The following TANGO6 variants were observed in gnomAD, a reference collection of about 807,000 sequenced individuals.
The protein encoded by TANGO6 is transport and Golgi organization protein 6 homolog.
Under a neutral mutation model 114.2 loss-of-function variants are expected in TANGO6, and 90 were observed. That is an observed-to-expected ratio of 0.79 (90% CI 0.66 to 0.94). The LOEUF (loss-of-function observed/expected upper bound fraction) is 0.94. Ranked by LOEUF, TANGO6 falls within the 40% of genes least tolerant of loss-of-function variation. The probability of loss-of-function intolerance (pLI) is 0.00; values close to 1 mark genes in which losing one functional copy is unlikely to be tolerated. For synonymous variants in TANGO6, 477 were observed against 509.8 expected (o/e 0.94, Z 0.87); for missense variants, 1,274 against 1,315.3 (o/e 0.97, Z 0.49).
intron 12 of TANGO6, among the ~76,000 whole-genome samples, chr16:68,924,151 A>G (rs1422492108): frequency 6.6e-6 from 1 of 152,124 alleles, no homozygotes; most frequent in African/African-American, 2.4e-5. Flanking sequence ...TTAAAAAGAA[A>G]ATGACTTTCC....
At chr16:68,952,273 A>T (rs1198810095) in intron 14 of TANGO6, among the ~76,000 whole-genome samples, 1 of 152,076 alleles carries the variant, frequency 6.6e-6, no homozygotes, top group Non-Finnish European at 1.5e-5. Context: ...CTTGTAAGTA[A>T]AACAGCAAGT....
At chr16:68,863,221 G>T (rs988155109) in intron 3 of TANGO6, 160 bp downstream of exon 3, 2 of 497,536 alleles carry the variant, frequency 4.0e-6, no homozygotes, top group Non-Finnish European at 7.0e-6. Context: ...AAAACTAGAT[G>T]ACGCTGACCC....
At chr16:69,009,785 C>G (rs1388259370) in intron 15 of TANGO6, among the ~76,000 whole-genome samples, 1 of 152,124 alleles carries the variant, frequency 6.6e-6, no homozygotes, top group Non-Finnish European at 1.5e-5. Flanking sequence ...TTATTCTTTT[C>G]AATGCAATTG....
chr16:69,047,946 A>C (rs906143682), intron 17 of TANGO6, among the ~76,000 whole-genome samples: 3 of 152,178 alleles, frequency 2.0e-5, no homozygotes, highest in Admixed American at 2.0e-4. Context: ...TCTATTCTCT[A>C]TCTGTTTTGT....
At chr16:69,040,188 C>A in intron 16 of TANGO6, 120 bp from the exon 17 acceptor site, 1 of 804,126 alleles carries the variant, frequency 1.2e-6, no homozygotes, top group Non-Finnish European at 2.0e-6. Context: ...AGCAACTATC[C>A]AGCCCTCTCT....
chr16:68,964,406 T>C (rs1019815426), intron 14 of TANGO6, among the ~76,000 whole-genome samples: 1 of 152,074 alleles, frequency 6.6e-6, no homozygotes, highest in African/African-American at 2.4e-5. Flanking sequence ...ATCAATATTA[T>C]TAGTTTCTTG....
chr16:68,890,365 C>T (rs948694288), intron 7 of TANGO6, among the ~76,000 whole-genome samples: 8 of 152,194 alleles, frequency 5.3e-5, no homozygotes, highest in Non-Finnish European at 8.8e-5. Context: ...ATGCCAAAAG[C>T]TTGATGCCTA....
chr16:68,864,606 C>T (rs1001713935), intron 3 of TANGO6, among the ~76,000 whole-genome samples: 1 of 151,794 alleles, frequency 6.6e-6, no homozygotes, highest in Non-Finnish European at 1.5e-5. Context: ...AGAAAAAGAG[C>T]GAGAAGCCAA....
At chr16:68,881,290 G>T (rs774291515) in intron 7 of TANGO6, among the ~76,000 whole-genome samples, 3 of 152,060 alleles carry the variant, frequency 2.0e-5, no homozygotes, top group Non-Finnish European at 2.9e-5. Context: ...GAGGAGAGTG[G>T]ATCACCTGAG....
At chr16:68,965,601 A>G (rs1268970678) in intron 14 of TANGO6, among the ~76,000 whole-genome samples, 1 of 152,026 alleles carries the variant, frequency 6.6e-6, no homozygotes. Context: ...CAGGAGTTCA[A>G]GACCAGCCTG....
intron 4 of TANGO6, among the ~76,000 whole-genome samples, chr16:68,874,698 C>G (rs1297350911): frequency 1.3e-5 from 2 of 152,174 alleles, no homozygotes; most frequent in African/African-American, 4.8e-5. Context: ...CCTGTAATCA[C>G]AGCACTTTGG....
chr16:69,074,185 G>C (rs1960338418), intron 17 of TANGO6, among the ~76,000 whole-genome samples: 1 of 152,036 alleles, frequency 6.6e-6, no homozygotes, highest in Non-Finnish European at 1.5e-5. Context: ...TATAATATGT[G>C]GGTCCCAGTG....
At chr16:68,905,808 G>C (rs1962842410) in intron 9 of TANGO6, among the ~76,000 whole-genome samples, 1 of 152,040 alleles carries the variant, frequency 6.6e-6, no homozygotes, top group Non-Finnish European at 1.5e-5. Flanking sequence ...GGGAGGTTGA[G>C]GCTGCAGTGA....
rs1182451000 is a variant in TANGO6, at chr16:68,843,543, C to T, written c.-75C>T. Reference sequence around the variant, plus strand: ...CCATAGTGTGCCCAGAGCCTTCTGCCACACTTAACATGGCGGCGGCGGCGC... The same window carrying T: ...CCATAGTGTGCCCAGAGCCTTCTGCTACACTTAACATGGCGGCGGCGGCGC... On this transcript the variant is annotated 5_prime_UTR_variant, in exon 1 of 18. Coordinates refer to ENST00000261778, the MANE Select transcript of TANGO6 (RefSeq NM_024562.2). 1.0e-5 allele frequency: 15 copies of T among 1,441,648 alleles called. No individual in the cohort carries two copies. Among genetic ancestry groups the T allele is most frequent in the African/African-American group, 4.3e-5 (3 of 70,510 alleles). The allele number at this position is 1,441,648 out of a possible 1,614,324, so 89.3% of individuals were successfully genotyped here.
chr16:68,853,747 C>G (rs1487023122), intron 1 of TANGO6, among the ~76,000 whole-genome samples: 1 of 152,190 alleles, frequency 6.6e-6, no homozygotes, highest in Non-Finnish European at 1.5e-5. Flanking sequence ...TCATGTCATA[C>G]TTCTGCCAAC....
chr16:68,993,682 G>A (rs1407517503), intron 15 of TANGO6, among the ~76,000 whole-genome samples: 2 of 152,032 alleles, frequency 1.3e-5, no homozygotes, highest in Non-Finnish European at 2.9e-5. Context: ...ACCAACTCTT[G>A]GTCATGCTTT....
chr16:68,925,908 A>AG (rs1358022702), intron 12 of TANGO6, among the ~76,000 whole-genome samples: 1 of 150,684 alleles, frequency 6.6e-6, no homozygotes, highest in Admixed American at 6.6e-5. Flanking sequence ...AAAAAAAAAA[A>AG]GAAAAAAGAA....
At chr16:68,867,337 C>A in intron 4 of TANGO6, 117 bp downstream of exon 4, 2 of 1,343,834 alleles carry the variant, frequency 1.5e-6, no homozygotes, top group Non-Finnish European at 2.1e-6. Flanking sequence ...TAAACTCCAT[C>A]CTTGCAGGGA....
At position 68,927,979 on chromosome 16, in the gene TANGO6, TATG is replaced by T. The variant is rs778578672; in HGVS notation, c.2541_2543del (p.Asp848del). The T allele has an allele frequency of 6.2e-7, 1 of 1,613,438 alleles. No homozygotes were observed. The highest frequency in any genetic ancestry group is 8.5e-7 in the Non-Finnish European group (1 of 1,179,666). On this transcript the variant is annotated inframe_deletion, in exon 13 of 18. Transcript: ENST00000261778. The stretch of plus-strand genomic sequence containing the variant: ...GCTCCAAGAGGTTCTTTTGTCAGCT[TATG>T]ACCCTCAAATTCCAACACGGGCTGC...
Sources: allele counts gnomAD v4.1 joint callset (sites outside exome capture counted in the v4.1 genomes callset), GRCh38; gene constraint gnomAD v4.1.1; transcripts MANE v1.5; gene names NCBI Gene and HGNC (gene_info 2026-07-23, HGNC 2026-07-21).